KLHL29: variants seen among roughly 807,000 people sequenced by gnomAD.
KLHL29 encodes the protein kelch like family member 29.
A neutral mutation model predicts 80.4 loss-of-function variants in KLHL29; 21 were observed. That is an observed-to-expected ratio of 0.26 (90% CI 0.19 to 0.38). The LOEUF is 0.38. Ranked by LOEUF, KLHL29 falls within the 10% of genes least tolerant of loss-of-function variation. KLHL29 has a pLI of 1.00. For synonymous variants in KLHL29, 511 were observed against 526.8 expected (o/e 0.97, Z 0.41); for missense variants, 867 against 1,223.9 (o/e 0.71, Z 4.35).
chr2:23,707,085 T>G lies in KLHL29; in HGVS notation c.*421T>G. 6.5e-6 allele frequency: 1 copy of G among 154,322 alleles called. No individual in the cohort carries two copies. Among genetic ancestry groups the G allele is most frequent in the Non-Finnish European group, 1.4e-5 (1 of 69,438 alleles). 9.6% of individuals were successfully genotyped at this position (154,322 alleles called of 1,614,324 possible). On this transcript the variant is annotated 3_prime_UTR_variant, in exon 14 of 14. Coordinates refer to ENST00000486442, the MANE Select transcript of KLHL29 (RefSeq NM_052920.2). Reference sequence around the variant, plus strand: ...TTGGAATAAGATCAAAGTGTCCTTATCACTTTGATTCCTACTTTTGTTTTT... The same window carrying G: ...TTGGAATAAGATCAAAGTGTCCTTAGCACTTTGATTCCTACTTTTGTTTTT...
chr2:23,660,412 C>T (rs1454144081), intron 5 of KLHL29, among the ~76,000 whole-genome samples: 2 of 152,232 alleles, frequency 1.3e-5, no homozygotes, highest in African/African-American at 4.8e-5. Flanking sequence ...TCAGGGTTCC[C>T]AGCCACCATC....
In KLHL29 at chr2:23,682,259, T is replaced by C. The variant is rs1181567332; in HGVS notation, c.941-2140T>C. ...AGCAGCACTGCACACTCCCACCCGC[T>C]GAGCGCTCCCTGTGTGCCCGCCACA... On this transcript the variant is annotated intron_variant, in intron 5 of 13. Coordinates refer to ENST00000486442, the MANE Select transcript of KLHL29 (RefSeq NM_052920.2). The surrounding 1 kb of genome is among the most constrained non-coding windows in gnomAD (Gnocchi z 4.1). Among the ~76,000 whole-genome samples the C allele has an allele frequency of 6.6e-6, 1 of 152,154 alleles. No individual in the cohort carries two copies. Among genetic ancestry groups the C allele is most frequent in the Non-Finnish European group, 1.5e-5 (1 of 68,030 alleles).
At chr2:23,571,419 C>T (rs1312205929) in intron 3 of KLHL29, among the ~76,000 whole-genome samples, 1 of 152,208 alleles carries the variant, frequency 6.6e-6, no homozygotes, top group Non-Finnish European at 1.5e-5. Flanking sequence ...CTTCTCCCTT[C>T]CCAGCAGAAC....
chr2:23,550,503 T>C (rs11676765), intron 2 of KLHL29, among the ~76,000 whole-genome samples: 34,979 of 152,162 alleles, frequency 0.23, 4,598 homozygotes, highest in Non-Finnish European at 0.29. Context: ...GGGATGTTAA[T>C]GTCCCCGGCC....
intron 2 of KLHL29, among the ~76,000 whole-genome samples, chr2:23,476,122 G>A (rs1165547234): frequency 6.6e-6 from 1 of 151,898 alleles, no homozygotes; most frequent in Non-Finnish European, 1.5e-5. Context: ...TGATCTACCC[G>A]CTTCAGCCTC....
chr2:23,526,765 C>T (rs746240225), intron 2 of KLHL29, among the ~76,000 whole-genome samples: 1 of 152,204 alleles, frequency 6.6e-6, no homozygotes, highest in Non-Finnish European at 1.5e-5. Context: ...CGTCTCTTCC[C>T]AGCTCCTCAT....
chr2:23,698,139 G>T (rs1007315240), intron 11 of KLHL29, among the ~76,000 whole-genome samples: 13 of 152,172 alleles, frequency 8.5e-5, no homozygotes, highest in Non-Finnish European at 1.9e-4. Flanking sequence ...GGCCTTCCCT[G>T]GGGGGCAAGG....
chr2:23,499,693 A>G (rs955393770), intron 2 of KLHL29, among the ~76,000 whole-genome samples: 1 of 152,224 alleles, frequency 6.6e-6, no homozygotes, highest in African/African-American at 2.4e-5. Context: ...GCCCCCACCC[A>G]GAGAAAGTAA....
intron 6 of KLHL29, among the ~76,000 whole-genome samples, chr2:23,687,905 C>T (rs12618900): frequency 0.095 from 14,450 of 151,668 alleles, 796 homozygotes; most frequent in Middle Eastern, 0.17. Context: ...GTAAAGATGA[C>T]AGTCAGACCA....
Position 23,481,911 on chromosome 2 carries a change from AAAAAG to A in KLHL29, c.-46+6247_-46+6251del, listed in dbSNP as rs1258383537. ...CAATCTGGGTGACAGGTTAAAAAAA[AAAAAG>A]AAGAAGAGGCTGGTTTGGTTCACAG... is the stretch of plus-strand genomic sequence containing the variant. On this transcript the variant is annotated intron_variant, in intron 2 of 13. Transcript: ENST00000486442. Among the ~76,000 whole-genome samples, 6 of 152,232 alleles carry A rather than the reference AAAAAG, an allele frequency of 3.9e-5. No homozygotes were observed. In the South Asian group the frequency reaches 1.0e-3, roughly 26 times the overall value.
rs1671945188 is a variant in KLHL29, at chr2:23,696,226, G to T, written c.1924+93G>T. 6.7e-7 allele frequency: 1 copy of T among 1,492,650 alleles called. No homozygotes were observed. Among genetic ancestry groups the T allele is most frequent in the African/African-American group, 1.4e-5 (1 of 71,808 alleles). The allele number at this position is 1,492,650 out of a possible 1,614,324, so 92.5% of individuals were successfully genotyped here. A position where few individuals can be genotyped will look rare whatever the true frequency, so the allele number is the denominator to read the frequency against. Reference sequence around the variant, plus strand: ...GGCTGAGGAAGGCCATGGCCCAGAAGTGTCTACTTTGCAGGTGAAGCCTTC... The same window carrying T: ...GGCTGAGGAAGGCCATGGCCCAGAATTGTCTACTTTGCAGGTGAAGCCTTC... On this transcript the variant is annotated intron_variant, in intron 10 of 13. Coordinates refer to ENST00000486442, the MANE Select transcript of KLHL29 (RefSeq NM_052920.2). This position sits in a 1 kb window ranked among gnomAD's most constrained non-coding sequence, Gnocchi z 5.5.
At chr2:23,420,064 CT>C (rs1662748262) in intron 1 of KLHL29, among the ~76,000 whole-genome samples, 1 of 152,192 alleles carries the variant, frequency 6.6e-6, no homozygotes, top group Admixed American at 6.5e-5. Flanking sequence ...ACACAGGCTG[CT>C]TGTGTGGCCG....
intron 1 of KLHL29, among the ~76,000 whole-genome samples, chr2:23,454,102 A>C (rs373186178): frequency 2.0e-5 from 3 of 152,206 alleles, no homozygotes; most frequent in East Asian, 1.9e-4. Context: ...GCTGATGGCT[A>C]CTTTTTTCAT....
intron 2 of KLHL29, among the ~76,000 whole-genome samples, chr2:23,545,570 C>G (rs543029967): frequency 6.6e-6 from 1 of 152,216 alleles, no homozygotes; most frequent in South Asian, 2.1e-4. Context: ...GATGCAGGCA[C>G]CACCTCGTGG....
At chr2:23,623,351 C>G (rs1248997581) in intron 3 of KLHL29, among the ~76,000 whole-genome samples, 1 of 152,190 alleles carries the variant, frequency 6.6e-6, no homozygotes, top group African/African-American at 2.4e-5. Context: ...GGCAGGAGGA[C>G]AGTCCGCTGT....
intron 5 of KLHL29, among the ~76,000 whole-genome samples, chr2:23,673,240 ACAC>A (rs1051444292): frequency 8.2e-6 from 1 of 122,646 alleles, no homozygotes; most frequent in African/African-American, 2.8e-5. Flanking sequence ...ACACACACCC[ACAC>A]CACGTGCTCA....
At chr2:23,646,571 T>C (rs1234352201) in intron 5 of KLHL29, among the ~76,000 whole-genome samples, 1 of 152,178 alleles carries the variant, frequency 6.6e-6, no homozygotes, top group Non-Finnish European at 1.5e-5. Context: ...TGCAGGGGCC[T>C]AGGGTGAGGG....
At chr2:23,496,164 C>T (rs1407526806) in intron 2 of KLHL29, among the ~76,000 whole-genome samples, 1 of 152,258 alleles carries the variant, frequency 6.6e-6, no homozygotes, top group East Asian at 1.9e-4. Context: ...GGCTTACCCG[C>T]TGCAGCAGTG....
chr2:23,693,593 C>A, intron 8 of KLHL29, 65 bp downstream of exon 8: 1 of 1,477,210 alleles, frequency 6.8e-7, no homozygotes, highest in Non-Finnish European at 9.2e-7. Context: ...GCAATGGGGT[C>A]TGCAGCAAGG....
Sources: gnomAD v4.1 joint callset for allele counts (sites outside exome capture counted in the v4.1 genomes callset) on GRCh38, gnomAD v4.1.1 for gene constraint, Gnocchi (gnomAD v3.1) non-coding constraint, MANE v1.5 for transcripts, NCBI Gene and HGNC (gene_info 2026-07-23, HGNC 2026-07-21) for gene names.